Variants in MYO9B observed in about 807,000 individuals in gnomAD.
MYO9B encodes the protein myosin IXB, also known as unconventional myosin-IXb.
In MYO9B, 71 loss-of-function variants were observed where a neutral mutation model predicts 229.5. The observed-to-expected ratio is 0.31, with a 90% CI of 0.26 to 0.38. MYO9B has a LOEUF of 0.38. Among genes scored for constraint, MYO9B ranks in the 10% least tolerant of loss-of-function variants. The pLI is 1.00. For missense variants in MYO9B, 2,255 were observed against 2,920.5 expected, an observed-to-expected ratio of 0.77 and a Z score of 5.25; for synonymous variants, 1,185 against 1,235.8, an observed-to-expected ratio of 0.96 and a Z score of 0.86.
intron 2 of MYO9B, among the ~76,000 whole-genome samples, chr19:17,111,711 G>A (rs1477967637): frequency 5.3e-5 from 8 of 152,130 alleles, no homozygotes; most frequent in East Asian, 1.9e-4. Context: ...GTATGCAACC[G>A]TCGCCTCTAT....
chr19:17,092,549 A>T (rs1009162128), intron 1 of MYO9B, among the ~76,000 whole-genome samples: 25 of 152,254 alleles, frequency 1.6e-4, no homozygotes, highest in African/African-American at 5.3e-4. Flanking sequence ...AACATGGCAA[A>T]GCCCTGTCTC....
chr19:17,151,167 T>C (rs932129132), intron 3 of MYO9B, among the ~76,000 whole-genome samples: 31 of 151,512 alleles, frequency 2.0e-4, no homozygotes, highest in African/African-American at 5.8e-4. Context: ...TAATCTCAGC[T>C]ACTGGAAGGC....
At chr19:17,091,627 G>A (rs1488431528) in intron 1 of MYO9B, among the ~76,000 whole-genome samples, 1 of 152,158 alleles carries the variant, frequency 6.6e-6, no homozygotes, top group Non-Finnish European at 1.5e-5. Flanking sequence ...GAAAGGACAG[G>A]CCCATGGTCC....
At chr19:17,132,525 A>ATTAT (rs2072212179) in intron 2 of MYO9B, among the ~76,000 whole-genome samples, 1 of 116,360 alleles carries the variant, frequency 8.6e-6, no homozygotes, top group African/African-American at 3.5e-5. Flanking sequence ...TATTATTATT[A>ATTAT]TTTTTTTTTT....
At position 17,139,281 on chromosome 19, in the gene MYO9B, A is replaced by C. The variant is rs1599361782; in HGVS notation, c.841-6116A>C. Among the ~76,000 whole-genome samples, 7 of 152,230 alleles carry C rather than the reference A, an allele frequency of 4.6e-5. No homozygotes were observed. The South Asian group carries it at 1.2e-3, about 27-fold the overall frequency. ...GTGGGCAGTTGTAACACAATGGTAAATATTTGTGTATCTAAACATAGGCCA... is the reference window on the plus strand; with the variant it reads ...GTGGGCAGTTGTAACACAATGGTAACTATTTGTGTATCTAAACATAGGCCA... On this transcript the variant is annotated intron_variant, in intron 2 of 39. Transcript: ENST00000682292.
intron 1 of MYO9B, among the ~76,000 whole-genome samples, chr19:17,087,453 T>A (rs1341894694): frequency 6.6e-6 from 1 of 152,158 alleles, no homozygotes; most frequent in Non-Finnish European, 1.5e-5. Context: ...GCATTTGGGA[T>A]GAGCTTCTTG....
chr19:17,154,454 TA>T, intron 6 of MYO9B, 39 bp downstream of exon 6: 2 of 1,504,896 alleles, frequency 1.3e-6, no homozygotes, highest in Non-Finnish European at 1.8e-6. Flanking sequence ...CCCCAGAGCC[TA>T]CAGGGGGCAC....
chr19:17,210,242 C>G (rs760160228), intron 36 of MYO9B, 91 bp from the exon 37 acceptor site: 1 of 1,337,236 alleles, frequency 7.5e-7, no homozygotes, highest in Non-Finnish European at 1.0e-6. Flanking sequence ...CAGGGACCCC[C>G]TATCTTGGTA....
At chr19:17,158,968 C>T (rs2072568333) in intron 7 of MYO9B, among the ~76,000 whole-genome samples, 1 of 152,172 alleles carries the variant, frequency 6.6e-6, no homozygotes, top group African/African-American at 2.4e-5. Context: ...CCCAGGCAGG[C>T]AGATCGCCCA....
chr19:17,152,043 C>T (rs1369768349), intron 3 of MYO9B, among the ~76,000 whole-genome samples: 2 of 151,992 alleles, frequency 1.3e-5, no homozygotes, highest in Admixed American at 1.3e-4. Flanking sequence ...CAAAATTAGC[C>T]AGGCATGGTG....
rs1169975172 is a variant in MYO9B at position 17,205,342 on chromosome 19, T to C, written c.5064+6T>C. 1.2e-6 allele frequency: 2 copies of C among 1,612,526 alleles called. No individual in the cohort carries two copies. Among genetic ancestry groups the C allele is most frequent in the African/African-American group, 1.3e-5 (1 of 74,802 alleles). On this transcript the variant is annotated splice_donor_region_variant and intron_variant, in intron 31 of 39. Transcript: ENST00000682292. Reference sequence around the variant, plus strand: ...CCTACACCTACGGGAGGAAGGTGAGTGTACGAGGCCTGGAACTTTCTACAA... The same window carrying C: ...CCTACACCTACGGGAGGAAGGTGAGCGTACGAGGCCTGGAACTTTCTACAA...
intron 6 of MYO9B, 94 bp from the exon 7 acceptor site, chr19:17,156,811 ATTTG>A: frequency 7.1e-7 from 1 of 1,403,466 alleles, no homozygotes; most frequent in East Asian, 2.4e-5. Context: ...TCCGACCAGA[ATTTG>A]CTGGTTTTAT....
At chr19:17,113,924 G>A (rs889472441) in intron 2 of MYO9B, among the ~76,000 whole-genome samples, 1 of 152,152 alleles carries the variant, frequency 6.6e-6, no homozygotes, top group African/African-American at 2.4e-5. Flanking sequence ...GGGGACAGAG[G>A]CCAGGCTTCC....
In MYO9B at chr19:17,197,875, A is replaced by C. The variant is rs1207385820; in HGVS notation, c.4113+17A>C. 6.2e-7 allele frequency: 1 copy of C among 1,612,036 alleles called. No homozygotes were observed. The highest frequency in any genetic ancestry group is 1.7e-5 in the Admixed American group (1 of 60,008). On this transcript the variant is annotated intron_variant, in intron 23 of 39. Transcript: ENST00000682292. The stretch of plus-strand genomic sequence containing the variant: ...AAGGCTCAGGTAACAACAACACGGC[A>C]AAACCCCGTCTCCACTAAAAATACA...
At chr19:17,181,648 C>T (rs2072862254) in intron 15 of MYO9B, among the ~76,000 whole-genome samples, 1 of 152,252 alleles carries the variant, frequency 6.6e-6, no homozygotes, top group South Asian at 2.1e-4. Flanking sequence ...CACCTGCGGT[C>T]ACCACATCTC....
intron 7 of MYO9B, 31 bp downstream of exon 7, chr19:17,157,069 G>T (rs373692260): frequency 7.5e-6 from 12 of 1,604,910 alleles, no homozygotes; most frequent in Non-Finnish European, 1.0e-5. Flanking sequence ...CCCTTCTCAG[G>T]CCTGGCTCAG....
At chr19:17,154,469 TG>T (rs2072516159) in intron 6 of MYO9B, 54 bp downstream of exon 6, 1 of 1,397,554 alleles carries the variant, frequency 7.2e-7, no homozygotes, top group Admixed American at 1.9e-5. Flanking sequence ...GGGGCACGCA[TG>T]GCCCTTACCA....
At chr19:17,177,895 A>C (rs916610227) in intron 14 of MYO9B, 2 of 152,672 alleles carry the variant, frequency 1.3e-5, no homozygotes, top group African/African-American at 4.8e-5. Flanking sequence ...AAGTAAGTGC[A>C]GAAAGGGCCT....
In MYO9B at chr19:17,138,690, A is replaced by G. The variant is rs140351279; in HGVS notation, c.841-6707A>G. On this transcript the variant is annotated intron_variant, in intron 2 of 39. Transcript: ENST00000682292. The stretch of plus-strand genomic sequence containing the variant: ...CGGGCTACTGTCACAGAATATGGTT[A>G]CGCATTGCTTAACTATGGGAGAAAT... Among the ~76,000 whole-genome samples, 378 of 152,334 alleles carry G rather than the reference A, an allele frequency of 2.5e-3. 1 individual carries two copies. Among genetic ancestry groups the G allele is most frequent in the African/African-American group, 8.7e-3 (360 of 41,576 alleles).
Sources: allele counts gnomAD v4.1 joint callset (sites outside exome capture counted in the v4.1 genomes callset), GRCh38; gene constraint gnomAD v4.1.1; transcripts MANE v1.5; gene names NCBI Gene and HGNC (gene_info 2026-07-23, HGNC 2026-07-21).